KIAA0319L: variants seen among roughly 807,000 people sequenced by gnomAD.
KIAA0319L encodes the protein dyslexia-associated protein KIAA0319-like protein.
KIAA0319L carries 55 observed loss-of-function variants against 120.1 expected under a neutral mutation model. The ratio of observed to expected loss-of-function variants is 0.46; its 90% CI spans 0.37 to 0.57. The LOEUF is 0.57. Among genes scored for constraint, KIAA0319L ranks in the 20% least tolerant of loss-of-function variants. The pLI is 0.00. For missense variants in KIAA0319L, 1,049 were observed against 1,255.3 expected, an observed-to-expected ratio of 0.84 and a Z score of 2.48; for synonymous variants, 398 against 471.9, an observed-to-expected ratio of 0.84 and a Z score of 2.03.
At chr1:35,478,616 G>C (rs1320581898) in intron 4 of KIAA0319L, among the ~76,000 whole-genome samples, 1 of 152,160 alleles carries the variant, frequency 6.6e-6, no homozygotes, top group African/African-American at 2.4e-5. Flanking sequence ...AAAAATGAGA[G>C]ACCTACAACC....
chr1:35,434,984 C>T lies in KIAA0319L; in HGVS notation c.3060G>A (p.Glu1020=), dbSNP rs374202583. The change falls in exon 21 of 21, where the codon GAG becomes GAA. Residue 1020 remains glutamate, a synonymous_variant. Transcript: ENST00000325722. ...DDAIFTWPDR[E]KGKLLHGQNG... Reference sequence around the variant, plus strand: ...TCTGACCATGCAGGAGTTTGCCCTTCTCTCGGTCTGGCCATGTAAAGATGG... The same window carrying T: ...TCTGACCATGCAGGAGTTTGCCCTTTTCTCGGTCTGGCCATGTAAAGATGG... 6.2e-6 allele frequency: 10 copies of T among 1,614,094 alleles called. No homozygotes were observed. Among genetic ancestry groups the T allele is most frequent in the Non-Finnish European group, 8.5e-6 (10 of 1,180,044 alleles).
At chr1:35,451,089 ATCAACTTAAGGCCC>A (rs151215176) in intron 13 of KIAA0319L, among the ~76,000 whole-genome samples, 3,421 of 152,162 alleles carry the variant, frequency 0.022, 128 homozygotes, top group African/African-American at 0.078. Flanking sequence ...TTTTCCTGCT[ATCAACTTAAGGCCC>A]TCAACTTAAG....
Position 35,526,346 on chromosome 1 carries a change from C to T in KIAA0319L, c.143-19211G>A, listed in dbSNP as rs145630980. On this transcript the variant is annotated intron_variant, in intron 2 of 20. Coordinates refer to ENST00000325722, the MANE Select transcript of KIAA0319L (RefSeq NM_024874.5). ...ATGTGTGTGTATATGTATATATGTA[C>T]GTGTGTGTGTGTATATATATACATA... 9.9e-3 allele frequency among the ~76,000 whole-genome samples: 1,265 copies of T among 128,094 alleles called. 7 individuals carry two copies. The highest frequency in any genetic ancestry group is 0.02 in the South Asian group (81 of 4,118). The allele number at this position is 128,094 out of a possible 152,430, so 84.0% of individuals were successfully genotyped here. A position where few individuals can be genotyped will look rare whatever the true frequency, so the allele number is the denominator to read the frequency against.
At chr1:35,513,813 A>C (rs1208591586) in intron 2 of KIAA0319L, among the ~76,000 whole-genome samples, 1 of 152,176 alleles carries the variant, frequency 6.6e-6, no homozygotes, top group African/African-American at 2.4e-5. Context: ...ATCTCTGACA[A>C]ACGTTTCCTT....
At chr1:35,486,376 GA>G (rs899924972) in intron 3 of KIAA0319L, among the ~76,000 whole-genome samples, 6,468 of 52,218 alleles carry the variant, frequency 0.12, 390 homozygotes, top group African/African-American at 0.3. Flanking sequence ...CCTGTCTCAA[GA>G]AAAAAAAAAA....
chr1:35,526,521 CT>C (rs1382243231), intron 2 of KIAA0319L, among the ~76,000 whole-genome samples: 8 of 150,642 alleles, frequency 5.3e-5, no homozygotes, highest in Non-Finnish European at 1.2e-4. Context: ...TCTTAGCTCA[CT>C]GCAGCCTCAA....
chr1:35,457,894 C>G (rs1363375755), intron 9 of KIAA0319L, among the ~76,000 whole-genome samples: 1 of 152,196 alleles, frequency 6.6e-6, no homozygotes, highest in Non-Finnish European at 1.5e-5. Context: ...AGTTTTGCCT[C>G]TTTTCCTAGT....
intron 2 of KIAA0319L, among the ~76,000 whole-genome samples, chr1:35,511,809 T>C (rs937206318): frequency 6.6e-6 from 1 of 152,194 alleles, no homozygotes; most frequent in Non-Finnish European, 1.5e-5. Flanking sequence ...CAGAATACTA[T>C]GTACCATTTG....
intron 9 of KIAA0319L, among the ~76,000 whole-genome samples, chr1:35,458,627 T>A (rs922892892): frequency 6.6e-6 from 1 of 152,232 alleles, no homozygotes; most frequent in East Asian, 1.9e-4. Flanking sequence ...TTACTTAAAC[T>A]CTTTGTGCCA....
chr1:35,478,136 A>G (rs1463367544), intron 4 of KIAA0319L, among the ~76,000 whole-genome samples: 2 of 152,226 alleles, frequency 1.3e-5, no homozygotes, highest in African/African-American at 4.8e-5. Flanking sequence ...TGTTAGGTGA[A>G]TAAGCCAGGC....
In KIAA0319L at chr1:35,434,315, C is replaced by A. The variant is rs1450949846; in HGVS notation, c.*579G>T. Reference sequence around the variant, plus strand: ...TGTTAGCCAGGGTGGTCTTGATCTCCTGACCTCATGATCCGCCCGCCTCGG... The same window carrying A: ...TGTTAGCCAGGGTGGTCTTGATCTCATGACCTCATGATCCGCCCGCCTCGG... On this transcript the variant is annotated 3_prime_UTR_variant, in exon 21 of 21. Coordinates refer to ENST00000325722, the MANE Select transcript of KIAA0319L (RefSeq NM_024874.5). The A allele has an allele frequency of 6.6e-6, 1 of 152,200 alleles. No individual in the cohort carries two copies. The highest frequency in any genetic ancestry group is 2.4e-5 in the African/African-American group (1 of 41,374). The allele number at this position is 152,200 out of a possible 1,614,324, so 9.4% of individuals were successfully genotyped here. A position where few individuals can be genotyped will look rare whatever the true frequency, so the allele number is the denominator to read the frequency against.
Position 35,507,090 on chromosome 1 carries a change from A to G in KIAA0319L, c.188T>C (p.Val63Ala). 1 of 1,547,070 alleles carries G rather than the reference A, an allele frequency of 6.5e-7. No individual in the cohort carries two copies. Among genetic ancestry groups the G allele is most frequent in the Non-Finnish European group, 8.7e-7 (1 of 1,148,518 alleles). Residue 63 changes from valine to alanine, a missense_variant, in exon 3 of 21, where the codon GTT becomes GCT. Val to Ala is a moderately conservative substitution (Grantham distance 64, BLOSUM62 0). Coordinates refer to ENST00000325722, the MANE Select transcript of KIAA0319L (RefSeq NM_024874.5). ...ATTTTCTCCCCCAGATCTCAGGCCA[A>G]CTCCAAATTGTGTCTTCCCCTGCTG... ...RCQQGKTQFGVGLRSGGENHL... is the reference protein window; with the variant it reads ...RCQQGKTQFGAGLRSGGENHL...
chr1:35,519,569 G>A (rs1645826096), intron 2 of KIAA0319L, among the ~76,000 whole-genome samples: 3 of 152,170 alleles, frequency 2.0e-5, no homozygotes, highest in Admixed American at 2.0e-4. Context: ...GTGCTTAGGT[G>A]ACCTTCCTGA....
chr1:35,529,983 CTTTT>C (rs1204726576), intron 2 of KIAA0319L, among the ~76,000 whole-genome samples: 1 of 138,604 alleles, frequency 7.2e-6, no homozygotes. Flanking sequence ...GTCACAATGC[CTTTT>C]TTTTTTTTTT....
chr1:35,526,633 G>C (rs1646160546), intron 2 of KIAA0319L, among the ~76,000 whole-genome samples: 1 of 151,796 alleles, frequency 6.6e-6, no homozygotes, highest in African/African-American at 2.4e-5. Flanking sequence ...TTTTTGTAGA[G>C]ATGAGGTCTC....
intron 2 of KIAA0319L, among the ~76,000 whole-genome samples, chr1:35,515,292 A>G (rs1422091011): frequency 6.6e-6 from 1 of 151,710 alleles, no homozygotes; most frequent in African/African-American, 2.4e-5. Flanking sequence ...AGCCTGGACA[A>G]AAAGAGTGAA....
At chr1:35,528,246 C>T (rs747010702) in intron 2 of KIAA0319L, among the ~76,000 whole-genome samples, 24 of 152,120 alleles carry the variant, frequency 1.6e-4, no homozygotes, top group Non-Finnish European at 3.1e-4. Context: ...TGCCACCACA[C>T]CTGGCTAATT....
chr1:35,439,823 TG>T (rs998187941), intron 20 of KIAA0319L: 32 of 152,208 alleles, frequency 2.1e-4, no homozygotes, highest in African/African-American at 7.7e-4. Context: ...AAGAGATTAC[TG>T]GATGAACCAG....
intron 3 of KIAA0319L, among the ~76,000 whole-genome samples, chr1:35,502,544 C>T (rs1645048935): frequency 6.6e-6 from 1 of 151,562 alleles, no homozygotes. Context: ...GTTCTTTGAG[C>T]TCCTTGCCTC....
Sources: allele counts gnomAD v4.1 joint callset (sites outside exome capture counted in the v4.1 genomes callset), GRCh38; gene constraint gnomAD v4.1.1; transcripts MANE v1.5; gene names NCBI Gene and HGNC (gene_info 2026-07-23, HGNC 2026-07-21).